Variants in ABLIM1 observed in about 807,000 individuals in gnomAD.
The protein encoded by ABLIM1 is actin binding LIM protein 1.
Under a neutral mutation model 107.0 loss-of-function variants are expected in ABLIM1, and 40 were observed. The ratio of observed to expected loss-of-function variants is 0.37; its 90% CI spans 0.29 to 0.49. The LOEUF (loss-of-function observed/expected upper bound fraction) is 0.49. ABLIM1 is among the 20% of genes least tolerant of loss of function. The probability of loss-of-function intolerance (pLI) is 0.97; values close to 1 mark genes in which losing one functional copy is unlikely to be tolerated. For synonymous variants in ABLIM1, 357 were observed against 357.3 expected, an observed-to-expected ratio of 1.00 and a Z score of 0.01; for missense variants, 857 against 1,008.5, an observed-to-expected ratio of 0.85 and a Z score of 2.04.
chr10:114,602,048 A>T, intron 1 of ABLIM1, 87 bp from the exon 2 acceptor site: 1 of 1,544,424 alleles, frequency 6.5e-7, no homozygotes, highest in Non-Finnish European at 8.9e-7. Flanking sequence ...TTTTGGTGTC[A>T]AATGAGCCAC....
intron 1 of ABLIM1, among the ~76,000 whole-genome samples, chr10:114,634,757 TAA>T (rs903429998): frequency 6.6e-6 from 1 of 152,118 alleles, no homozygotes; most frequent in African/African-American, 2.4e-5. Flanking sequence ...ATCTAGTTGC[TAA>T]GTAATAGTCA....
At chr10:114,718,115 G>GGAAGGAAGGAAGGA (rs1268823409) in intron 1 of ABLIM1, among the ~76,000 whole-genome samples, 1 of 67,178 alleles carries the variant, frequency 1.5e-5, no homozygotes, top group Non-Finnish European at 3.9e-5. Context: ...GAAAAAGAAA[G>GGAAGGAAGGAAGGA]AAAGAAAAAG....
intron 6 of ABLIM1, among the ~76,000 whole-genome samples, chr10:114,542,414 A>G (rs565806931): frequency 1.0e-4 from 15 of 150,240 alleles, no homozygotes; most frequent in Admixed American, 7.9e-4. Context: ...TGTCTCTAAA[A>G]AAAAAAAAGA....
At chr10:114,682,723 T>G (rs573545640) in intron 1 of ABLIM1, among the ~76,000 whole-genome samples, 19 of 152,186 alleles carry the variant, frequency 1.2e-4, no homozygotes, top group Admixed American at 8.5e-4. Context: ...CCAAATACCT[T>G]AAAAATATGC....
chr10:114,435,396 T>C lies in ABLIM1; in HGVS notation c.*864A>G, dbSNP rs1057144. On this transcript the variant is annotated 3_prime_UTR_variant, in exon 23 of 23. Transcript: ENST00000533213. Reference sequence around the variant, plus strand: ...TTGGCCATGAATGATATGGCCCCTATGCAAAATCACCTAATGGCATGCCAC... The same window carrying C: ...TTGGCCATGAATGATATGGCCCCTACGCAAAATCACCTAATGGCATGCCAC... 95,998 of 151,780 alleles carry C rather than the reference T, an allele frequency of 0.63. 31,235 individuals carry two copies. The highest frequency in any genetic ancestry group is 0.8 in the African/African-American group (33,233 of 41,418). The allele number at this position is 151,780 out of a possible 1,614,324, so 9.4% of individuals were successfully genotyped here.
chr10:114,633,221 G>A (rs543672128), intron 1 of ABLIM1, among the ~76,000 whole-genome samples: 5 of 152,148 alleles, frequency 3.3e-5, no homozygotes, highest in African/African-American at 9.7e-5. Context: ...AGAGAGCCAG[G>A]GGAACCGAAA....
At chr10:114,693,791 G>T (rs1488863933) in intron 1 of ABLIM1, among the ~76,000 whole-genome samples, 1 of 151,646 alleles carries the variant, frequency 6.6e-6, no homozygotes, top group Non-Finnish European at 1.5e-5. Flanking sequence ...TAGGACACAG[G>T]CACATGCTAC....
rs144456499 is a variant in ABLIM1, at chr10:114,483,539, C to T, written c.1041+4419G>A. Among the ~76,000 whole-genome samples the T allele has an allele frequency of 4.2e-3, 638 of 152,228 alleles. 5 individuals carry two copies. The highest frequency in any genetic ancestry group is 0.015 in the African/African-American group (608 of 41,536). On this transcript the variant is annotated intron_variant, in intron 8 of 22. Coordinates refer to ENST00000533213, the MANE Select transcript of ABLIM1 (RefSeq NM_002313.7). Reference sequence around the variant, plus strand: ...TGATCTGCCCACATTGGCCTCCCGACGTGCTGGGATTACAGGCATGAGCCA... The same window carrying T: ...TGATCTGCCCACATTGGCCTCCCGATGTGCTGGGATTACAGGCATGAGCCA...
At chr10:114,529,704 G>A (rs1011507337) in intron 6 of ABLIM1, among the ~76,000 whole-genome samples, 10 of 152,130 alleles carry the variant, frequency 6.6e-5, no homozygotes, top group African/African-American at 2.2e-4. Context: ...GCATGCACAC[G>A]ATTTGGGGAA....
intron 6 of ABLIM1, among the ~76,000 whole-genome samples, chr10:114,504,774 T>G (rs2060905660): frequency 6.6e-6 from 1 of 152,180 alleles, no homozygotes; most frequent in Non-Finnish European, 1.5e-5. Flanking sequence ...ACTTAGCTGT[T>G]TATATGCCCC....
chr10:114,650,045 C>T lies in ABLIM1; in HGVS notation c.244+7912G>A, dbSNP rs1006412313. Among the ~76,000 whole-genome samples the T allele has an allele frequency of 4.6e-5, 7 of 152,010 alleles. No individual in the cohort carries two copies. In the East Asian group the frequency reaches 5.8e-4, roughly 13 times the overall value. On this transcript the variant is annotated intron_variant, in intron 1 of 22. Transcript: ENST00000533213. ...TAATTTTTGTATTTTTTAGTAGAGA[C>T]GGGGTTTCACTATGTTGGCCAGGCT...
At chr10:114,607,218 A>T (rs2076477971) in intron 1 of ABLIM1, among the ~76,000 whole-genome samples, 1 of 152,158 alleles carries the variant, frequency 6.6e-6, no homozygotes, top group Admixed American at 6.5e-5. Flanking sequence ...GTGCACCACC[A>T]CGCTCAGCTA....
At chr10:114,635,810 C>A (rs1176283958) in intron 1 of ABLIM1, among the ~76,000 whole-genome samples, 1 of 152,262 alleles carries the variant, frequency 6.6e-6, no homozygotes, top group Non-Finnish European at 1.5e-5. Flanking sequence ...GCGTGAGCCA[C>A]TGCACCCAGC....
chr10:114,658,342 T>C (rs1436809073), upstream of ABLIM1: 4 of 1,447,734 alleles, frequency 2.8e-6, no homozygotes, highest in Non-Finnish European at 2.7e-6. Context: ...GAGATGTATT[T>C]AAGTGATTAC....
the ABLIM1 span, among the ~76,000 whole-genome samples, chr10:114,788,542 A>G: frequency 3.9e-5 from 6 of 151,990 alleles, no homozygotes; most frequent in Non-Finnish European, 8.8e-5. Flanking sequence ...AGCCTGACCA[A>G]TATGGTGAAA....
intron 1 of ABLIM1, chr10:114,613,659 G>A (rs776578593): frequency 1.5e-6 from 2 of 1,324,016 alleles, no homozygotes; most frequent in Non-Finnish European, 2.0e-6. Context: ...GCCCTCACCT[G>A]GGTCTCTCCA....
chr10:114,740,800 T>A (rs1452364056), intron 1 of ABLIM1, among the ~76,000 whole-genome samples: 1 of 151,926 alleles, frequency 6.6e-6, no homozygotes, highest in Non-Finnish European at 1.5e-5. Context: ...TCCCAGCACT[T>A]TGGGAGGCTG....
At chr10:114,603,974 G>C (rs1052131867) in intron 1 of ABLIM1, among the ~76,000 whole-genome samples, 1 of 127,546 alleles carries the variant, frequency 7.8e-6, no homozygotes, top group African/African-American at 2.8e-5. Flanking sequence ...AAAAAAAAAA[G>C]TTTTCCTTAA....
At chr10:114,771,680 T>C (rs1452640622), upstream of ABLIM1, among the ~76,000 whole-genome samples, 1 of 152,208 alleles carries the variant, frequency 6.6e-6, no homozygotes, top group African/African-American at 2.4e-5. Context: ...GAGAATACTT[T>C]AGAAATCATT....
Sources: allele counts gnomAD v4.1 joint callset (sites outside exome capture counted in the v4.1 genomes callset), GRCh38; gene constraint gnomAD v4.1.1; transcripts MANE v1.5; gene names NCBI Gene and HGNC (gene_info 2026-07-23, HGNC 2026-07-21).